Variants in CDH12 observed in about 807,000 individuals in gnomAD.
CDH12 encodes cadherin-12.
Under a neutral mutation model 74.1 loss-of-function variants are expected in CDH12, and 41 were observed. The observed-to-expected ratio is 0.55, with a 90% CI of 0.43 to 0.72. The LOEUF is 0.72. CDH12 is among the 30% of genes least tolerant of loss of function. The pLI is 0.00. For synonymous variants in CDH12, 399 were observed against 355.0 expected, an observed-to-expected ratio of 1.12 and a Z score of -1.39; for missense variants, 945 against 977.2, an observed-to-expected ratio of 0.97 and a Z score of 0.44.
chr5:22,626,829 C>A (rs1472471117), intron 1 of CDH12, among the ~76,000 whole-genome samples: 1 of 151,794 alleles, frequency 6.6e-6, no homozygotes, highest in Non-Finnish European at 1.5e-5. Context: ...AGTTGAAGCC[C>A]AATTTAAAGA....
chr5:21,845,980 A>G (rs1317737513), intron 7 of CDH12, among the ~76,000 whole-genome samples: 2 of 152,098 alleles, frequency 1.3e-5, no homozygotes, highest in African/African-American at 2.4e-5. Context: ...GTGCGGAGAG[A>G]AAAGGGCTAC....
rs114479580 is a variant in CDH12, at chr5:22,225,373, T to C, written c.-332-12730A>G. Reference sequence around the variant, plus strand: ...TAAGTCATTTTGTGCTTCCCAGTTTTCCAGGCTTTCATAGTCTCCCTGGAT... The same window carrying C: ...TAAGTCATTTTGTGCTTCCCAGTTTCCCAGGCTTTCATAGTCTCCCTGGAT... On this transcript the variant is annotated intron_variant, in intron 3 of 14. Coordinates refer to ENST00000382254, the MANE Select transcript of CDH12 (RefSeq NM_004061.5). 7.1e-3 allele frequency among the ~76,000 whole-genome samples: 1,087 copies of C among 152,194 alleles called. 10 individuals carry two copies. The highest frequency in any genetic ancestry group is 0.024 in the African/African-American group (1,012 of 41,542).
chr5:22,795,578 A>G (rs1287032003), intron 1 of CDH12, among the ~76,000 whole-genome samples: 4 of 149,098 alleles, frequency 2.7e-5, no homozygotes, highest in Non-Finnish European at 5.9e-5. Context: ...CATATATAAT[A>G]TATACATATA....
rs184383154 is a variant in CDH12, at chr5:22,073,645, A to G, written c.231+4801T>C. On this transcript the variant is annotated intron_variant, in intron 5 of 14. Coordinates refer to ENST00000382254, the MANE Select transcript of CDH12 (RefSeq NM_004061.5). ...TTAAATTCACAGTGTGTATGTGAGG[A>G]AAGCTTTACCTCTGTATACCCTTGT... Among the ~76,000 whole-genome samples the G allele has an allele frequency of 2.5e-3, 378 of 152,274 alleles. 2 individuals carry two copies. Among genetic ancestry groups the G allele is most frequent in the African/African-American group, 8.6e-3 (358 of 41,586 alleles).
At chr5:22,535,398 C>A (rs529054146) in intron 1 of CDH12, among the ~76,000 whole-genome samples, 1 of 151,968 alleles carries the variant, frequency 6.6e-6, no homozygotes, top group African/African-American at 2.4e-5. Flanking sequence ...CCTCGTGATC[C>A]GCCCGCCTTG....
At chr5:22,279,506 C>T (rs940031915) in intron 3 of CDH12, among the ~76,000 whole-genome samples, 1 of 152,074 alleles carries the variant, frequency 6.6e-6, no homozygotes, top group Non-Finnish European at 1.5e-5. Context: ...GGTATATCTC[C>T]TAATGTTATC....
At chr5:22,580,434 T>A in intron 1 of CDH12, 1 of 511,024 alleles carries the variant, frequency 2.0e-6, no homozygotes, top group Non-Finnish European at 4.0e-6. Context: ...ACCCTCCAAG[T>A]ACTGCCACTT....
At chr5:22,574,689 G>C (rs1048494076) in intron 1 of CDH12, among the ~76,000 whole-genome samples, 1 of 152,022 alleles carries the variant, frequency 6.6e-6, no homozygotes, top group African/African-American at 2.4e-5. Flanking sequence ...CTTGCCTTCA[G>C]GAGACTGACT....
At chr5:22,209,200 T>C (rs1751394675) in intron 4 of CDH12, among the ~76,000 whole-genome samples, 1 of 152,158 alleles carries the variant, frequency 6.6e-6, no homozygotes, top group Admixed American at 6.5e-5. Flanking sequence ...ACCTCTAATC[T>C]TATAACATCC....
At chr5:22,089,354 G>A (rs950581645) in intron 4 of CDH12, among the ~76,000 whole-genome samples, 2 of 152,096 alleles carry the variant, frequency 1.3e-5, no homozygotes, top group Non-Finnish European at 2.9e-5. Context: ...TCCACACACT[G>A]GGATGGGGGG....
intron 1 of CDH12, among the ~76,000 whole-genome samples, chr5:22,749,688 CAG>C (rs1745465071): frequency 6.6e-6 from 1 of 152,094 alleles, no homozygotes; most frequent in Non-Finnish European, 1.5e-5. Context: ...TCTATGAACA[CAG>C]AGTGATTGCT....
At chr5:21,802,715 C>T (rs187626293) in intron 9 of CDH12, among the ~76,000 whole-genome samples, 119 of 151,092 alleles carry the variant, frequency 7.9e-4, no homozygotes, top group African/African-American at 2.7e-3. Flanking sequence ...CCTCAGCTTC[C>T]GGAGGATCTG....
intron 1 of CDH12, among the ~76,000 whole-genome samples, chr5:22,712,637 C>T (rs1000366026): frequency 6.6e-6 from 1 of 152,058 alleles, no homozygotes; most frequent in African/African-American, 2.4e-5. Context: ...GTTCTGAAAG[C>T]TTAACTTATA....
At chr5:22,338,170 G>C (rs1739673375) in intron 3 of CDH12, among the ~76,000 whole-genome samples, 1 of 152,132 alleles carries the variant, frequency 6.6e-6, no homozygotes, top group Admixed American at 6.6e-5. Flanking sequence ...AGAAACCTAA[G>C]TGTCCATCTA....
In CDH12 at chr5:21,992,537, G is replaced by A. The variant is rs538568057; in HGVS notation, c.232-17152C>T. ...ATTAAGGTTCTCCTAATGATTCTTGGAGTCCATGGAATTATGTGTGTGCAT... is the reference window on the plus strand; with the variant it reads ...ATTAAGGTTCTCCTAATGATTCTTGAAGTCCATGGAATTATGTGTGTGCAT... On this transcript the variant is annotated intron_variant, in intron 5 of 14. Coordinates refer to ENST00000382254, the MANE Select transcript of CDH12 (RefSeq NM_004061.5). Among the ~76,000 whole-genome samples the A allele has an allele frequency of 2.6e-5, 4 of 151,790 alleles. No homozygotes were observed. The South Asian group carries it at 8.3e-4, about 32-fold the overall frequency.
chr5:21,786,387 C>T (rs116568095), intron 10 of CDH12, among the ~76,000 whole-genome samples: 2,600 of 152,112 alleles, frequency 0.017, 64 homozygotes, highest in African/African-American at 0.053. Context: ...CTCAAGACCT[C>T]GTGAGTAGCC....
intron 6 of CDH12, among the ~76,000 whole-genome samples, chr5:21,967,689 C>T (rs1756647372): frequency 6.6e-6 from 1 of 152,162 alleles, no homozygotes; most frequent in Non-Finnish European, 1.5e-5. Context: ...TCATACTCTT[C>T]TCTCAAGGCT....
chr5:22,380,261 C>T (rs1047457280), intron 3 of CDH12, among the ~76,000 whole-genome samples: 1 of 152,132 alleles, frequency 6.6e-6, no homozygotes, highest in African/African-American at 2.4e-5. Context: ...ATTAATCAAC[C>T]TCCACTGGGG....
chr5:22,823,680 T>C (rs1017244131), intron 1 of CDH12, among the ~76,000 whole-genome samples: 1 of 152,062 alleles, frequency 6.6e-6, no homozygotes, highest in Admixed American at 6.6e-5. Context: ...CAGGAGGTGA[T>C]TGGATCATGG....
Sources: allele counts gnomAD v4.1 joint callset (sites outside exome capture counted in the v4.1 genomes callset), GRCh38; gene constraint gnomAD v4.1.1; transcripts MANE v1.5; gene names NCBI Gene and HGNC (gene_info 2026-07-23, HGNC 2026-07-21).